The following BCLAF3 variants were observed in gnomAD, a reference collection of about 807,000 sequenced individuals.
BCLAF3 encodes BCLAF1 and THRAP3 family member 3, also known as transient octamer binding factor 1.
A neutral mutation model predicts 51.2 loss-of-function variants in BCLAF3; 24 were observed. That is an observed-to-expected ratio of 0.47 (90% CI 0.34 to 0.66). The LOEUF (loss-of-function observed/expected upper bound fraction) is 0.66. Ranked by LOEUF, BCLAF3 falls within the 30% of genes least tolerant of loss-of-function variation. The pLI is 0.01. For synonymous variants in BCLAF3, 152 were observed against 176.6 expected, an observed-to-expected ratio of 0.86 and a Z score of 1.10; for missense variants, 465 against 525.1, an observed-to-expected ratio of 0.89 and a Z score of 1.12.
Position 19,965,489 on chromosome X carries a change from C to T in BCLAF3, c.829G>A (p.Val277Ile). 1 of 1,210,649 alleles carries T rather than the reference C, an allele frequency of 8.3e-7. No homozygotes were observed. The highest frequency in any genetic ancestry group is 1.1e-6 in the Non-Finnish European group (1 of 895,186). Reference sequence around the variant, plus strand: ...CGTTTGTGACGATAGTCATAGGATACTTTGGTTGCTGAACTGGTCTCTGGG... The same window carrying T: ...CGTTTGTGACGATAGTCATAGGATATTTTGGTTGCTGAACTGGTCTCTGGG... ...EHPETSSATK[V>I]SYDYRHKRPK... Residue 277 changes from valine to isoleucine, a missense_variant, in exon 4 of 12, where the codon GTA becomes ATA. Coordinates refer to ENST00000379682, the MANE Select transcript of BCLAF3 (RefSeq NM_001367774.2).
chrX:19,952,443 A>G (rs1309920050), intron 7 of BCLAF3, among the ~76,000 whole-genome samples: 1 of 107,381 alleles, frequency 9.3e-6, no homozygotes, highest in Non-Finnish European at 1.9e-5. Context: ...CTAATTAGCA[A>G]AGAAATGGGG....
chrX:19,939,964 C>T (rs1005675031), intron 8 of BCLAF3, among the ~76,000 whole-genome samples: 6 of 112,094 alleles, frequency 5.4e-5, no homozygotes, highest in South Asian at 3.7e-4. Flanking sequence ...TGGAAACAGA[C>T]TTTCTGTTTG....
rs2072004887 is a variant in BCLAF3 at position 19,965,167 on chromosome X, T to G, written c.1151A>C (p.Asn384Thr). Residue 384 changes from asparagine to threonine, a missense_variant, in exon 4 of 12, where the codon AAT (asparagine) becomes ACT (threonine). Transcript: ENST00000379682. ...KKEGDCRKES[N>T]SSSNQLDKSQ... ...TTTATCAAGTTGGTTACTGGAAGAA[T>G]TGCTCTCTTTTCTACAATCCCCTTC... 2 of 1,205,806 alleles carry G rather than the reference T, an allele frequency of 1.7e-6. No individual in the cohort carries two copies. Among genetic ancestry groups the G allele is most frequent in the African/African-American group, 3.5e-5 (2 of 56,805 alleles).
chrX:19,970,727 A>G (rs935000006), intron 1 of BCLAF3, among the ~76,000 whole-genome samples: 1 of 112,121 alleles, frequency 8.9e-6, no homozygotes, highest in African/African-American at 3.2e-5. Flanking sequence ...AATATTTTGA[A>G]TATACTAGGT....
chrX:19,965,820 C>T (rs2072032422), intron 3 of BCLAF3, 114 bp from the exon 4 acceptor site: 2 of 814,355 alleles, frequency 2.5e-6, no homozygotes, highest in Admixed American at 3.6e-5. Flanking sequence ...GCAAGTTAAT[C>T]TATAACCCTT....
rs901262365 is a variant in BCLAF3, at chrX:19,954,081, G to A, written c.1451-189C>T. The A allele has an allele frequency of 4.0e-5, 30 of 752,333 alleles. No individual in the cohort carries two copies. The African/African-American group carries it at 6.0e-4, about 15-fold the overall frequency. 62.0% of individuals were successfully genotyped at this position (752,333 alleles called of 1,213,427 possible). ...CGTGCCTTCCCAAGCCCAAACAAGAGTAAAAACACCTGATTTATTAATCGA... is the reference window on the plus strand; with the variant it reads ...CGTGCCTTCCCAAGCCCAAACAAGAATAAAAACACCTGATTTATTAATCGA... On this transcript the variant is annotated intron_variant, in intron 5 of 11. Transcript: ENST00000379682.
chrX:19,959,599 C>T (rs1390743998), intron 4 of BCLAF3, among the ~76,000 whole-genome samples: 1 of 106,070 alleles, frequency 9.4e-6, no homozygotes, highest in African/African-American at 3.5e-5. Flanking sequence ...ACAGCAAGAC[C>T]TCATCTCGAC....
rs557627256 is a variant in BCLAF3, at chrX:19,970,284, T to C, written c.-20A>G. 79 of 1,209,782 alleles carry C rather than the reference T, an allele frequency of 6.5e-5. 1 individual carries two copies. In the East Asian group the frequency reaches 8.3e-4, roughly 13 times the overall value. On this transcript the variant is annotated 5_prime_UTR_variant, in exon 2 of 12. In the 5' UTR this introduces an upstream ATG that the reference lacks. Coordinates refer to ENST00000379682, the MANE Select transcript of BCLAF3 (RefSeq NM_001367774.2). ...TGCCATCCTTTGACACGTGAGCCAC[T>C]ATCCACTTTTTACACTGCAAAGAAA...
chrX:19,936,030 G>T, intron 9 of BCLAF3, 132 bp from the exon 10 acceptor site: 1 of 507,570 alleles, frequency 2.0e-6, no homozygotes, highest in Non-Finnish European at 3.4e-6. Context: ...GAGCTTAGCT[G>T]TAGAGCACAT....
chrX:19,945,063 G>A (rs1487998832), intron 8 of BCLAF3, among the ~76,000 whole-genome samples: 5 of 108,529 alleles, frequency 4.6e-5, no homozygotes, highest in East Asian at 2.9e-4. Context: ...CCAGTTGATC[G>A]CATCGGCTCC....
chrX:19,982,335 C>T (rs1569510823), intron 1 of BCLAF3, among the ~76,000 whole-genome samples: 2 of 110,713 alleles, frequency 1.8e-5, no homozygotes, highest in South Asian at 3.8e-4. Flanking sequence ...ATCACAGAAA[C>T]GCACCAAGTC....
At chrX:19,956,419 C>T (rs2071666581) in intron 4 of BCLAF3, among the ~76,000 whole-genome samples, 1 of 111,399 alleles carries the variant, frequency 9.0e-6, no homozygotes, top group Non-Finnish European at 1.9e-5. Context: ...GGAAAGGTGC[C>T]ACCACCCTGA....
intron 8 of BCLAF3, among the ~76,000 whole-genome samples, chrX:19,949,400 A>T (rs1014493785): frequency 8.0e-5 from 9 of 112,383 alleles, no homozygotes; most frequent in Non-Finnish European, 1.7e-4. Context: ...TCAAGGGGTA[A>T]AGATACATCC....
Position 19,988,550 on chromosome X carries a change from T to C in BCLAF3, c.-35+2358A>G, listed in dbSNP as rs775986589. ...ACTCTGCAAGGCCAAGGCAGGAGAA[T>C]CGCTCGAGCTCAGGAGTTTGAGACC... is the stretch of plus-strand genomic sequence containing the variant. On this transcript the variant is annotated intron_variant, in intron 1 of 11. Coordinates refer to ENST00000379682, the MANE Select transcript of BCLAF3 (RefSeq NM_001367774.2). Among the ~76,000 whole-genome samples, 131 of 111,931 alleles carry C rather than the reference T, an allele frequency of 1.2e-3. 1 individual carries two copies. Among genetic ancestry groups the C allele is most frequent in the African/African-American group, 4.1e-3 (126 of 30,835 alleles).
intron 8 of BCLAF3, among the ~76,000 whole-genome samples, chrX:19,939,779 C>T (rs757486052): frequency 8.9e-6 from 1 of 112,021 alleles, no homozygotes; most frequent in African/African-American, 3.2e-5. Flanking sequence ...ACACATGATA[C>T]AACATGAATT....
intron 4 of BCLAF3, among the ~76,000 whole-genome samples, chrX:19,964,005 C>T (rs2071954337): frequency 8.9e-6 from 1 of 111,777 alleles, no homozygotes; most frequent in Non-Finnish European, 1.9e-5. Context: ...GCCTGGGCAG[C>T]AGAGCAAGAC....
At chrX:19,969,337 T>A (rs1286473934) in intron 2 of BCLAF3, among the ~76,000 whole-genome samples, 2 of 111,832 alleles carry the variant, frequency 1.8e-5, no homozygotes, top group African/African-American at 6.5e-5. Flanking sequence ...AAAATCTTGG[T>A]CTGCCTTTTT....
Position 19,939,566 on chromosome X carries a change from C to T in BCLAF3, c.1746-2034G>A, listed in dbSNP as rs1040894044. On this transcript the variant is annotated intron_variant, in intron 8 of 11. Transcript: ENST00000379682. Reference sequence around the variant, plus strand: ...TGCAAATCAAAACCACAATGAGACACCACTTTACACTAACTAGGATGGCTA... The same window carrying T: ...TGCAAATCAAAACCACAATGAGACATCACTTTACACTAACTAGGATGGCTA... 2.7e-5 allele frequency among the ~76,000 whole-genome samples: 3 copies of T among 111,925 alleles called. No individual in the cohort carries two copies. The South Asian group carries it at 1.1e-3, about 41-fold the overall frequency.
chrX:19,958,294 A>G (rs2071733583), intron 4 of BCLAF3, among the ~76,000 whole-genome samples: 1 of 112,016 alleles, frequency 8.9e-6, no homozygotes, highest in Non-Finnish European at 1.9e-5. Flanking sequence ...AGGACTCATC[A>G]AAGAAATGAA....
Sources: allele counts gnomAD v4.1 joint callset (sites outside exome capture counted in the v4.1 genomes callset), GRCh38; gene constraint gnomAD v4.1.1; transcripts MANE v1.5; gene names NCBI Gene and HGNC (gene_info 2026-07-23, HGNC 2026-07-21).